NCAPD3: variants seen among roughly 807,000 people sequenced by gnomAD.
NCAPD3 encodes non-SMC condensin II complex subunit D3, also known as condensin-2 complex subunit D3.
Under a neutral mutation model 182.9 loss-of-function variants are expected in NCAPD3, and 105 were observed. The ratio of observed to expected loss-of-function variants is 0.57; its 90% CI spans 0.49 to 0.68. The LOEUF is 0.68. Among genes scored for constraint, NCAPD3 ranks in the 30% least tolerant of loss-of-function variants. The pLI is 0.00. For missense variants in NCAPD3, 1,944 were observed against 1,837.0 expected, an observed-to-expected ratio of 1.06 and a Z score of -1.07; for synonymous variants, 815 against 679.9, an observed-to-expected ratio of 1.20 and a Z score of -3.09.
At chr11:134,153,228 A>G in intron 33 of NCAPD3, 28 bp from the exon 34 acceptor site, 2 of 1,613,960 alleles carry the variant, frequency 1.2e-6, no homozygotes, top group Non-Finnish European at 1.7e-6. Flanking sequence ...AAACACATTC[A>G]GCTTTCCCAG....
chr11:134,224,215 G>A, upstream of NCAPD3: 1 of 537,062 alleles, frequency 1.9e-6, no homozygotes, highest in Non-Finnish European at 3.3e-6. Flanking sequence ...CGTTTTTCCC[G>A]CCTCGTTTTT....
At position 134,158,416 on chromosome 11, in the gene NCAPD3, C is replaced by T; in HGVS notation, c.3947G>A (p.Cys1316Tyr). Residue 1316 changes from cysteine to tyrosine, a missense_variant, in exon 30 of 35, where the codon TGC (cysteine) becomes TAC (tyrosine). By Grantham distance (194) the Cys-to-Tyr change is radical. Transcript: ENST00000534548. ...PAMSPAVSQP[C>Y]TPRASAGHVA... ...ATGGCCAGCACTTGCCCTGGGTGTG[C>T]AGGGCTGGCTCACGGCAGGTGACAT... is the stretch of plus-strand genomic sequence containing the variant. The T allele has an allele frequency of 6.2e-7, 1 of 1,614,194 alleles. No individual in the cohort carries two copies. The highest frequency in any genetic ancestry group is 8.5e-7 in the Non-Finnish European group (1 of 1,180,042).
rs1943914567 is a variant in NCAPD3, at chr11:134,168,168, A to G, written c.3401T>C (p.Leu1134Pro). The G allele has an allele frequency of 2.5e-6, 4 of 1,614,004 alleles. No individual in the cohort carries two copies. The highest frequency in any genetic ancestry group is 1.7e-6 in the Non-Finnish European group (2 of 1,179,974). Residue 1134 changes from leucine (L) to proline (P), a missense_variant, in exon 27 of 35, where the codon CTG becomes CCG. Physicochemically the swap from Leu to Pro is moderately conservative, Grantham distance 98. Transcript: ENST00000534548. Reference protein sequence around the residue: ...LACFADGILPLDLDASELLSD... With the variant: ...LACFADGILPPDLDASELLSD... The stretch of plus-strand genomic sequence containing the variant: ...GAGTAACTCACTGGCGTCCAGGTCC[A>G]GGGGTAGGATGCCATCAGCAAAGCA...
chr11:134,159,790 C>A (rs1211631701), intron 29 of NCAPD3, 102 bp downstream of exon 29: 5 of 1,302,468 alleles, frequency 3.8e-6, no homozygotes, highest in East Asian at 2.5e-5. Context: ...GGCTGACTAA[C>A]CTCTGATGAC....
intron 24 of NCAPD3, 150 bp downstream of exon 24, chr11:134,176,157 G>T: frequency 1.6e-6 from 1 of 625,304 alleles, no homozygotes; most frequent in African/African-American, 1.8e-5. Flanking sequence ...ATATTGCTTA[G>T]CATCTTAAAA....
chr11:134,190,421 C>T (rs1944499723), intron 16 of NCAPD3, among the ~76,000 whole-genome samples: 1 of 152,130 alleles, frequency 6.6e-6, no homozygotes, highest in African/African-American at 2.4e-5. Context: ...ATGTGTTTAT[C>T]GATTTCTTAG....
intron 24 of NCAPD3, among the ~76,000 whole-genome samples, chr11:134,172,037 G>T (rs1006235856): frequency 6.6e-6 from 1 of 152,150 alleles, no homozygotes; most frequent in Non-Finnish European, 1.5e-5. Context: ...ATAGCGTGTG[G>T]ACCAGATAGT....
intron 20 of NCAPD3, among the ~76,000 whole-genome samples, chr11:134,179,571 G>A (rs1420009822): frequency 6.6e-6 from 1 of 152,176 alleles, no homozygotes; most frequent in Non-Finnish European, 1.5e-5. Flanking sequence ...GTGAACACCT[G>A]TGTATCCTTA....
intron 16 of NCAPD3, among the ~76,000 whole-genome samples, chr11:134,191,649 G>C (rs150911477): frequency 6.6e-6 from 1 of 152,156 alleles, no homozygotes; most frequent in South Asian, 2.1e-4. Flanking sequence ...GCATAAGGAG[G>C]TATCTCTAAG....
Position 134,208,897 on chromosome 11 carries a change from C to T in NCAPD3, c.849G>A (p.Leu283=), listed in dbSNP as rs780800048. 6.2e-7 allele frequency: 1 copy of T among 1,612,696 alleles called. No homozygotes were observed. Among genetic ancestry groups the T allele is most frequent in the South Asian group, 1.1e-5 (1 of 90,694 alleles). The change falls in exon 7 of 35, where the codon TTG becomes TTA. Residue 283 remains leucine, a synonymous_variant. Transcript: ENST00000534548. ...CTTCTCCATGAATGGGAGAGCACAG[C>T]AAATACAATCCATAATAAGCCAGTT... ...IPELAYYGLY[L]LCSPIHGEGD...
chr11:134,202,459 C>A (rs1302943366), intron 13 of NCAPD3, among the ~76,000 whole-genome samples: 1 of 152,166 alleles, frequency 6.6e-6, no homozygotes, highest in Non-Finnish European at 1.5e-5. Flanking sequence ...CTCACTGTAG[C>A]CTGGAACTCC....
intron 16 of NCAPD3, among the ~76,000 whole-genome samples, chr11:134,185,771 G>T (rs1406127696): frequency 2.1e-4 from 32 of 151,926 alleles, no homozygotes; most frequent in Non-Finnish European, 5.9e-5. Flanking sequence ...TTAAAGTAAA[G>T]AATAAAATTT....
At chr11:134,185,038 A>T (rs780387123) in intron 17 of NCAPD3, 38 bp from the exon 18 acceptor site, 2 of 1,458,304 alleles carry the variant, frequency 1.4e-6, no homozygotes. Context: ...GGGAGAAGCA[A>T]GTTAAACACT....
chr11:134,193,874 C>T, intron 15 of NCAPD3, 142 bp downstream of exon 15: 1 of 707,122 alleles, frequency 1.4e-6, no homozygotes, highest in Non-Finnish European at 2.2e-6. Context: ...AAAATACCTC[C>T]TCCCTTACAT....
Position 134,150,379 on chromosome 11 carries a change from C to A in NCAPD3, c.*2565G>T, listed in dbSNP as rs1466650191. 1.3e-5 allele frequency: 2 copies of A among 152,516 alleles called. No homozygotes were observed. The highest frequency in any genetic ancestry group is 2.9e-5 in the Non-Finnish European group (2 of 68,168). 9.4% of individuals were successfully genotyped at this position (152,516 alleles called of 1,614,324 possible). On this transcript the variant is annotated 3_prime_UTR_variant, in exon 35 of 35. Coordinates refer to ENST00000534548, the MANE Select transcript of NCAPD3 (RefSeq NM_015261.3). ...CAGATGTACATACACAGATGCCAGT[C>A]AGCTCCTGGGGTTGCGCCAGGCGCC...
rs530731750 is a variant in NCAPD3 at position 134,155,135 on chromosome 11, T to G, written c.4253-1772A>C. On this transcript the variant is annotated intron_variant, in intron 32 of 34. Transcript: ENST00000534548. Reference sequence around the variant, plus strand: ...CCCGAATGGTAACAGTAACAGGGACTTGCTAAAACCCCCACAGATTTTCAG... The same window carrying G: ...CCCGAATGGTAACAGTAACAGGGACGTGCTAAAACCCCCACAGATTTTCAG... Among the ~76,000 whole-genome samples, 57 of 152,302 alleles carry G rather than the reference T, an allele frequency of 3.7e-4. 1 individual carries two copies. The highest frequency in any genetic ancestry group is 1.1e-3 in the African/African-American group (46 of 41,572).
At chr11:134,209,927 A>G (rs996848733) in intron 4 of NCAPD3, among the ~76,000 whole-genome samples, 2 of 152,164 alleles carry the variant, frequency 1.3e-5, no homozygotes, top group Non-Finnish European at 2.9e-5. Context: ...GTGGTGGCGC[A>G]TGCCTGTAGC....
intron 27 of NCAPD3, among the ~76,000 whole-genome samples, chr11:134,166,091 TG>T (rs1161991684): frequency 5.2e-5 from 1 of 19,248 alleles, no homozygotes; most frequent in African/African-American, 2.8e-4. Context: ...GAGATGAGCT[TG>T]GGGGAGGGGC....
chr11:134,182,759 G>A (rs1490351516), intron 19 of NCAPD3, among the ~76,000 whole-genome samples: 2 of 152,220 alleles, frequency 1.3e-5, no homozygotes, highest in African/African-American at 2.4e-5. Context: ...TACTGCTGCT[G>A]AGCTATATCT....
Sources: allele counts gnomAD v4.1 joint callset (sites outside exome capture counted in the v4.1 genomes callset), GRCh38; gene constraint gnomAD v4.1.1; transcripts MANE v1.5; gene names NCBI Gene and HGNC (gene_info 2026-07-23, HGNC 2026-07-21).